SLC24A2: variants seen among roughly 807,000 people sequenced by gnomAD.
The protein encoded by SLC24A2 is solute carrier family 24 member 2, also known as sodium/potassium/calcium exchanger 2.
Under a neutral mutation model 62.0 loss-of-function variants are expected in SLC24A2, and 36 were observed. The ratio of observed to expected loss-of-function variants is 0.58; its 90% CI spans 0.44 to 0.77. The LOEUF (loss-of-function observed/expected upper bound fraction) is 0.77. Ranked by LOEUF, SLC24A2 falls within the 30% of genes least tolerant of loss-of-function variation. The pLI is 0.00. For synonymous variants in SLC24A2, 358 were observed against 294.0 expected, an observed-to-expected ratio of 1.22 and a Z score of -2.23; for missense variants, 846 against 817.9, an observed-to-expected ratio of 1.03 and a Z score of -0.42.
chr9:20,154,456 C>T, the SLC24A2 span, among the ~76,000 whole-genome samples: 1 of 151,658 alleles, frequency 6.6e-6, no homozygotes, highest in Admixed American at 6.6e-5. Context: ...ACGGTTTTCA[C>T]TAGATGCGAA....
chr9:19,514,136 G>C lies in SLC24A2; in HGVS notation c.*2017C>G, dbSNP rs536926887. The C allele has an allele frequency of 7.2e-5, 11 of 152,284 alleles. No individual in the cohort carries two copies. The highest frequency in any genetic ancestry group is 2.2e-4 in the African/African-American group (9 of 41,552). The allele number at this position is 152,284 out of a possible 1,614,324, so 9.4% of individuals were successfully genotyped here. A position where few individuals can be genotyped will look rare whatever the true frequency, so the allele number is the denominator to read the frequency against. ...AGTGCTTTTTACTTCTGGGTGAAGA[G>C]GAATGATGGGCATTTCCTGTTATTG... On this transcript the variant is annotated 3_prime_UTR_variant, in exon 11 of 11. Coordinates refer to ENST00000341998, the MANE Select transcript of SLC24A2 (RefSeq NM_020344.4).
chr9:19,817,623 C>T, the SLC24A2 span, among the ~76,000 whole-genome samples: 2 of 151,968 alleles, frequency 1.3e-5, no homozygotes, highest in African/African-American at 4.8e-5. Context: ...TTTGCCTCTT[C>T]TACATTATAG....
chr9:20,205,022 G>A, the SLC24A2 span, among the ~76,000 whole-genome samples: 3 of 152,200 alleles, frequency 2.0e-5, no homozygotes, highest in East Asian at 5.8e-4. Flanking sequence ...TGGGATTGCA[G>A]GCGTGAGCCA....
chr9:20,230,454 T>G, the SLC24A2 span, among the ~76,000 whole-genome samples: 17,693 of 152,182 alleles, frequency 0.12, 2,291 homozygotes, highest in East Asian at 0.61. Context: ...TATCTCATTG[T>G]GGTTTTGATT....
At chr9:19,557,837 G>A (rs564517925) in intron 7 of SLC24A2, among the ~76,000 whole-genome samples, 3 of 149,776 alleles carry the variant, frequency 2.0e-5, no homozygotes, top group East Asian at 1.9e-4. Context: ...TTGAGACAGG[G>A]TCTCACTCTG....
chr9:20,188,488 T>A, the SLC24A2 span, among the ~76,000 whole-genome samples: 1,921 of 152,308 alleles, frequency 0.013, 32 homozygotes, highest in African/African-American at 0.04. Flanking sequence ...CCCAGCTACA[T>A]CCACATTCTA....
At chr9:19,613,594 C>T (rs542525831) in intron 4 of SLC24A2, among the ~76,000 whole-genome samples, 3 of 152,262 alleles carry the variant, frequency 2.0e-5, no homozygotes, top group Admixed American at 6.5e-5. Context: ...AAAAAACCCT[C>T]TCTGGCAAAA....
At chr9:20,215,866 G>C in the SLC24A2 span, among the ~76,000 whole-genome samples, 2 of 151,704 alleles carry the variant, frequency 1.3e-5, no homozygotes, top group Non-Finnish European at 3.0e-5. Flanking sequence ...AAATAAGTGA[G>C]TCCACCACCC....
At chr9:19,716,006 T>C (rs895415840) in intron 2 of SLC24A2, among the ~76,000 whole-genome samples, 2 of 152,128 alleles carry the variant, frequency 1.3e-5, no homozygotes, top group African/African-American at 2.4e-5. Context: ...GCTTTAACAA[T>C]ATATGGGCAA....
At chr9:20,204,742 C>CT in the SLC24A2 span, among the ~76,000 whole-genome samples, 13,647 of 132,234 alleles carry the variant, frequency 0.1, 863 homozygotes, top group Middle Eastern at 0.17. Context: ...AAAAGTATAA[C>CT]TTTTTTTTTT....
intron 2 of SLC24A2, among the ~76,000 whole-genome samples, chr9:19,704,689 T>C (rs1443254765): frequency 6.6e-6 from 1 of 152,112 alleles, no homozygotes; most frequent in African/African-American, 2.4e-5. Context: ...AACAAGAAAC[T>C]GTCAGAAGAG....
chr9:19,656,832 C>T (rs1256118909), intron 2 of SLC24A2, among the ~76,000 whole-genome samples: 1 of 152,176 alleles, frequency 6.6e-6, no homozygotes, highest in Non-Finnish European at 1.5e-5. Flanking sequence ...TCCCCAGCTT[C>T]TGTGTTCCGC....
At chr9:20,077,450 A>T in the SLC24A2 span, among the ~76,000 whole-genome samples, 1 of 152,192 alleles carries the variant, frequency 6.6e-6, no homozygotes, top group African/African-American at 2.4e-5. Context: ...AAAATGTTTT[A>T]AAACAAAGTA....
At chr9:19,641,546 A>C (rs755893559) in intron 2 of SLC24A2, among the ~76,000 whole-genome samples, 1 of 143,436 alleles carries the variant, frequency 7.0e-6, no homozygotes. Flanking sequence ...ATGGAGTCTC[A>C]CTCGGTCGCC....
chr9:20,055,991 T>C, the SLC24A2 span, among the ~76,000 whole-genome samples: 1 of 152,198 alleles, frequency 6.6e-6, no homozygotes, highest in Admixed American at 6.5e-5. Context: ...AAATAGAAGA[T>C]GTGTGGAGTA....
chr9:19,908,689 T>C, the SLC24A2 span, among the ~76,000 whole-genome samples: 2 of 152,034 alleles, frequency 1.3e-5, no homozygotes, highest in South Asian at 4.2e-4. Context: ...ACAGACACTT[T>C]TCAAAAGAAG....
intron 2 of SLC24A2, among the ~76,000 whole-genome samples, chr9:19,741,439 G>A (rs1374137643): frequency 1.3e-5 from 2 of 152,136 alleles, no homozygotes; most frequent in Non-Finnish European, 2.9e-5. Context: ...GAATTCAATG[G>A]CGCAGTTTTT....
intron 2 of SLC24A2, among the ~76,000 whole-genome samples, chr9:19,704,878 C>T (rs1173780426): frequency 6.7e-6 from 1 of 148,806 alleles, no homozygotes; most frequent in Non-Finnish European, 1.5e-5. Flanking sequence ...TGGGAAAGTA[C>T]TTTCAGGATG....
the SLC24A2 span, among the ~76,000 whole-genome samples, chr9:20,129,023 T>G: frequency 1.3e-5 from 2 of 152,132 alleles, no homozygotes; most frequent in African/African-American, 4.8e-5. Flanking sequence ...GGAGAAAATA[T>G]TTTCAAATAA....
Sources: gnomAD v4.1 joint callset for allele counts (sites outside exome capture counted in the v4.1 genomes callset) on GRCh38, gnomAD v4.1.1 for gene constraint, MANE v1.5 for transcripts, NCBI Gene and HGNC (gene_info 2026-07-23, HGNC 2026-07-21) for gene names.